ZNF595: variants seen among roughly 807,000 people sequenced by gnomAD.
The protein encoded by ZNF595 is zinc finger protein 595.
Under a neutral mutation model 19.4 loss-of-function variants are expected in ZNF595, and 9 were observed. The ratio of observed to expected loss-of-function variants is 0.46; its 90% CI spans 0.28 to 0.81. The LOEUF (loss-of-function observed/expected upper bound fraction) is 0.81. Among genes scored for constraint, ZNF595 ranks in the 30% least tolerant of loss-of-function variants. The pLI is 0.11. For synonymous variants in ZNF595, 255 were observed against 255.9 expected, an observed-to-expected ratio of 1.00 and a Z score of 0.03; for missense variants, 729 against 736.0, an observed-to-expected ratio of 0.99 and a Z score of 0.11.
intron 3 of ZNF595, among the ~76,000 whole-genome samples, chr4:78,748 T>C (rs1434438136): frequency 6.6e-6 from 1 of 152,250 alleles, no homozygotes; most frequent in East Asian, 1.9e-4. Context: ...GACAGAGTTT[T>C]GCTCTTGTTG....
chr4:74,296 T>C (rs1382137639), intron 3 of ZNF595, among the ~76,000 whole-genome samples: 2 of 151,696 alleles, frequency 1.3e-5, no homozygotes, highest in Non-Finnish European at 2.9e-5. Flanking sequence ...TTGAGAAGAA[T>C]ATAAGTTATA....
chr4:80,148 A>G (rs936570074), intron 3 of ZNF595, among the ~76,000 whole-genome samples: 2 of 152,032 alleles, frequency 1.3e-5, no homozygotes, highest in Non-Finnish European at 2.9e-5. Flanking sequence ...TCAGCCTCCC[A>G]AGTAGCTGGG....
At chr4:81,774 T>G (rs1279111405) in intron 3 of ZNF595, among the ~76,000 whole-genome samples, 2 of 152,228 alleles carry the variant, frequency 1.3e-5, no homozygotes, top group Non-Finnish European at 2.9e-5. Context: ...TCATGTGAGT[T>G]GATTCATACA....
Position 86,798 on chromosome 4 carries a change from G to T in ZNF595, c.1294G>T (p.Ala432Ser). ...CTACACGTGCGAAGAATGTGGCAAA[G>T]CTTTTAACCAATCCTCAACTCTTAT... ...KPYTCEECGKAFNQSSTLILH... is the reference protein window; with the variant it reads ...KPYTCEECGKSFNQSSTLILH... The change falls in exon 4 of 4, where the codon GCT becomes TCT. Residue 432 changes from alanine (A) to serine (S), a missense_variant. Physicochemically the swap from Ala to Ser is moderately conservative, Grantham distance 99. Around this residue, in one of 2 missense-constraint regions of ZNF595, gnomAD observed 729 missense variants for 675.3 expected, o/e 1.08. Coordinates refer to ENST00000610261, the MANE Select transcript of ZNF595 (RefSeq NM_182524.4). The T allele has an allele frequency of 1.9e-6, 3 of 1,613,810 alleles. No homozygotes were observed. Among genetic ancestry groups the T allele is most frequent in the Non-Finnish European group, 2.5e-6 (3 of 1,179,892 alleles).
At chr4:85,629 A>G (rs1055013541) in intron 3 of ZNF595, 102 bp from the exon 4 acceptor site, 39 of 1,319,574 alleles carry the variant, frequency 3.0e-5, no homozygotes, top group Non-Finnish European at 3.8e-5. Context: ...TTGTTATGCT[A>G]TCTTACTAAT....
At chr4:68,595 T>G (rs1217110353) in intron 3 of ZNF595, 1 of 152,324 alleles carries the variant, frequency 6.6e-6, no homozygotes, top group African/African-American at 2.4e-5. Context: ...CGCTTTTCAT[T>G]TTAAATTTAT....
intron 3 of ZNF595, among the ~76,000 whole-genome samples, chr4:83,619 C>CA (rs71164492): frequency 0.032 from 1,245 of 38,374 alleles, 94 homozygotes; most frequent in Admixed American, 0.094. Context: ...GACTCCGTCT[C>CA]AAAAAAAAAA....
rs957764487 is a variant in ZNF595, at chr4:86,019, C to A, written c.515C>A (p.Pro172His). Residue 172 changes from proline to histidine, a missense_variant, in exon 4 of 4, where the codon CCC becomes CAC. Around this residue, in one of 2 missense-constraint regions of ZNF595, gnomAD observed 729 missense variants for 675.3 expected, o/e 1.08. Transcript: ENST00000610261. Reference protein sequence around the residue: ...KHKIRHTGEKPFKCTECGRSF... With the variant: ...KHKIRHTGEKHFKCTECGRSF... The stretch of plus-strand genomic sequence containing the variant: ...AAGATAAGACATACTGGAGAGAAAC[C>A]CTTTAAATGTACAGAATGTGGCAGA... 1 of 1,608,870 alleles carries A rather than the reference C, an allele frequency of 6.2e-7. No individual in the cohort carries two copies. Among genetic ancestry groups the A allele is most frequent in the African/African-American group, 1.3e-5 (1 of 74,760 alleles).
chr4:80,900 G>C (rs1408096251), intron 3 of ZNF595, among the ~76,000 whole-genome samples: 2 of 152,122 alleles, frequency 1.3e-5, no homozygotes, highest in Non-Finnish European at 2.9e-5. Context: ...CGCCATGGTG[G>C]TTTGCTGCAC....
intron 3 of ZNF595, among the ~76,000 whole-genome samples, chr4:81,813 G>A (rs1713921211): frequency 6.6e-6 from 1 of 152,084 alleles, no homozygotes; most frequent in Admixed American, 6.5e-5. Flanking sequence ...CTTACTTCAT[G>A]TTGCACAATG....
intron 3 of ZNF595, among the ~76,000 whole-genome samples, chr4:66,195 G>A (rs1581331530): frequency 2.7e-5 from 4 of 150,710 alleles, no homozygotes; most frequent in African/African-American, 9.8e-5. Context: ...CTTGATATTG[G>A]CCATCTTAAT....
At chr4:66,710 T>A (rs1581332602) in intron 3 of ZNF595, among the ~76,000 whole-genome samples, 4 of 152,368 alleles carry the variant, frequency 2.6e-5, no homozygotes, top group African/African-American at 9.6e-5. Context: ...CTTTCTCTTA[T>A]TGTGTGGTTA....
rs1553802083 is a variant in ZNF595, at chr4:87,316, C to T, written c.1812C>T (p.Ser604=). 9 of 1,613,582 alleles carry T rather than the reference C, an allele frequency of 5.6e-6. No individual in the cohort carries two copies. Among genetic ancestry groups the T allele is most frequent in the African/African-American group, 2.7e-5 (2 of 74,996 alleles). The change falls in exon 4 of 4, where the codon TCC becomes TCT. Residue 604 remains serine (S), a synonymous_variant. Coordinates refer to ENST00000610261, the MANE Select transcript of ZNF595 (RefSeq NM_182524.4). ...AATGTGGCAAAGCCTTCAATTGGTC[C>T]TCATCCCTTACTAAACATAAGATAA... is the stretch of plus-strand genomic sequence containing the variant. The part of the protein sequence containing the change: ...CEECGKAFNW[S]SSLTKHKIIH...
In ZNF595 at chr4:86,992, T is replaced by G; in HGVS notation, c.1488T>G (p.Asn496Lys). 6.2e-7 allele frequency: 1 copy of G among 1,613,890 alleles called. No homozygotes were observed. The highest frequency in any genetic ancestry group is 1.3e-5 in the African/African-American group (1 of 74,974). Residue 496 changes from asparagine (N) to lysine (K), a missense_variant, in exon 4 of 4, where the codon AAT becomes AAG. Coordinates refer to ENST00000610261, the MANE Select transcript of ZNF595 (RefSeq NM_182524.4). The stretch of plus-strand genomic sequence containing the variant: ...CTTTCATATGGTCCGCAAGCCTGAA[T>G]GAACATAAGAATATTCATACTGGAG... ...GKAFIWSASLNEHKNIHTGEK... is the reference protein window; with the variant it reads ...GKAFIWSASLKEHKNIHTGEK...
intron 3 of ZNF595, among the ~76,000 whole-genome samples, chr4:70,559 A>G (rs1713386789): frequency 6.6e-6 from 1 of 152,162 alleles, no homozygotes; most frequent in African/African-American, 2.4e-5. Context: ...TCTGGTCTCA[A>G]ACTCCTGATC....
At position 86,026 on chromosome 4, in the gene ZNF595, A is replaced by G; in HGVS notation, c.522A>G (p.Lys174=). Residue 174 remains lysine, a synonymous_variant, in exon 4 of 4, where the codon AAA becomes AAG. Coordinates refer to ENST00000610261, the MANE Select transcript of ZNF595 (RefSeq NM_182524.4). ...GACATACTGGAGAGAAACCCTTTAA[A>G]TGTACAGAATGTGGCAGATCGTTTT... ...KIRHTGEKPF[K]CTECGRSFYM... is the part of the protein sequence containing the mutation. The G allele has an allele frequency of 6.2e-7, 1 of 1,609,756 alleles. No individual in the cohort carries two copies. Among genetic ancestry groups the G allele is most frequent in the Non-Finnish European group, 8.5e-7 (1 of 1,177,430 alleles).
intron 3 of ZNF595, chr4:68,192 T>TA (rs1277915456): frequency 6.6e-5 from 38 of 579,740 alleles, no homozygotes; most frequent in African/African-American, 5.7e-4. Context: ...TAATGCGAAA[T>TA]ATGCATAGCT....
chr4:83,103 G>A (rs1713984374), intron 3 of ZNF595, among the ~76,000 whole-genome samples: 1 of 151,944 alleles, frequency 6.6e-6, no homozygotes, highest in African/African-American at 2.4e-5. Context: ...ATTTTTCAGG[G>A]TTTCCTAGTA....
chr4:54,032 C>T (rs1175856003), intron 1 of ZNF595, among the ~76,000 whole-genome samples: 27 of 18,736 alleles, frequency 1.4e-3, no homozygotes, highest in East Asian at 5.1e-3. Context: ...GCACCTCCTC[C>T]GCGTGGCTGT....
Sources: allele counts gnomAD v4.1 joint callset (sites outside exome capture counted in the v4.1 genomes callset), GRCh38; gene constraint gnomAD v4.1.1; regional missense constraint gnomAD v4.1.1; transcripts MANE v1.5; gene names NCBI Gene and HGNC (gene_info 2026-07-23, HGNC 2026-07-21).